PHYHIPL: variants seen among roughly 807,000 people sequenced by gnomAD.
The protein encoded by PHYHIPL is phytanoyl-CoA hydroxylase-interacting protein-like.
Under a neutral mutation model 33.4 loss-of-function variants are expected in PHYHIPL, and 9 were observed. The ratio of observed to expected loss-of-function variants is 0.27; its 90% CI spans 0.16 to 0.47. The LOEUF (loss-of-function observed/expected upper bound fraction) is 0.47. Among genes scored for constraint, PHYHIPL ranks in the 20% least tolerant of loss-of-function variants. The probability of loss-of-function intolerance (pLI) is 0.99; values close to 1 mark genes in which losing one functional copy is unlikely to be tolerated. For missense variants in PHYHIPL, 365 were observed against 460.7 expected, an observed-to-expected ratio of 0.79 and a Z score of 1.90; for synonymous variants, 153 against 154.1, an observed-to-expected ratio of 0.99 and a Z score of 0.05.
At chr10:59,228,285 A>T (rs1839984315) in intron 1 of PHYHIPL, among the ~76,000 whole-genome samples, 1 of 152,144 alleles carries the variant, frequency 6.6e-6, no homozygotes, top group African/African-American at 2.4e-5. Flanking sequence ...ATTATTAAAT[A>T]AAAAATAGGT....
At chr10:59,229,082 AT>A (rs1402240194) in intron 1 of PHYHIPL, among the ~76,000 whole-genome samples, 1 of 152,152 alleles carries the variant, frequency 6.6e-6, no homozygotes, top group East Asian at 1.9e-4. Context: ...TTTAATTCTT[AT>A]TTCAGATAAA....
At position 59,217,948 on chromosome 10, in the gene PHYHIPL, C is replaced by G. The variant is rs764967681; in HGVS notation, c.107-16356C>G. 1.6e-3 allele frequency among the ~76,000 whole-genome samples: 240 copies of G among 152,112 alleles called. 1 individual carries two copies. Among genetic ancestry groups the G allele is most frequent in the Non-Finnish European group, 1.9e-3 (129 of 67,950 alleles). ...TGGACTAAGATCAGACTTTTATACT[C>G]TATTCATTCATTGCTACTTTCCAGT... On this transcript the variant is annotated intron_variant, in intron 1 of 4. Coordinates refer to ENST00000373880, the MANE Select transcript of PHYHIPL (RefSeq NM_032439.4).
chr10:59,228,470 T>G (rs1839990420), intron 1 of PHYHIPL, among the ~76,000 whole-genome samples: 1 of 152,156 alleles, frequency 6.6e-6, no homozygotes, highest in African/African-American at 2.4e-5. Flanking sequence ...ACTATCTTAA[T>G]TAGTTTTCCT....
intron 1 of PHYHIPL, among the ~76,000 whole-genome samples, chr10:59,215,873 A>T (rs899290529): frequency 1.3e-5 from 2 of 151,956 alleles, no homozygotes; most frequent in African/African-American, 4.8e-5. Context: ...TTTTTAAAAG[A>T]TCAGTTAATC....
chr10:59,225,981 A>G (rs1191147612), intron 1 of PHYHIPL, among the ~76,000 whole-genome samples: 4 of 152,162 alleles, frequency 2.6e-5, no homozygotes, highest in Admixed American at 6.5e-5. Context: ...AAATTTACCA[A>G]TAAGAGTCAG....
intron 1 of PHYHIPL, among the ~76,000 whole-genome samples, chr10:59,209,493 A>G (rs941130687): frequency 3.3e-5 from 5 of 152,188 alleles, no homozygotes; most frequent in Middle Eastern, 3.2e-3. Context: ...TGTAAAGACC[A>G]TCGATGCTAT....
chr10:59,179,246 G>A (rs7071102), intron 1 of PHYHIPL, among the ~76,000 whole-genome samples: 38,262 of 152,002 alleles, frequency 0.25, 6,966 homozygotes, highest in African/African-American at 0.51. Flanking sequence ...TGTATTGAGA[G>A]ATTTTCAGCT....
intron 4 of PHYHIPL, 140 bp from the exon 5 acceptor site, chr10:59,244,917 A>C (rs184803965): frequency 2.4e-6 from 2 of 819,966 alleles, no homozygotes; most frequent in Admixed American, 6.3e-5. Flanking sequence ...ATGTCAAAAG[A>C]TGTTGTCCCC....
intron 1 of PHYHIPL, among the ~76,000 whole-genome samples, chr10:59,230,995 G>C (rs1479197616): frequency 6.6e-6 from 1 of 152,064 alleles, no homozygotes; most frequent in African/African-American, 2.4e-5. Flanking sequence ...GATTATAAAT[G>C]TTTCTTATCA....
intron 1 of PHYHIPL, among the ~76,000 whole-genome samples, chr10:59,185,872 G>A (rs2133188612): frequency 6.6e-6 from 1 of 152,180 alleles, no homozygotes; most frequent in South Asian, 2.1e-4. Context: ...TTAGCCCTTT[G>A]TCAGATGAGT....
In PHYHIPL at chr10:59,239,200, A is replaced by T. The variant is rs76073759; in HGVS notation, c.596+495A>T. ...TCAGGCTGCTGATAAAATGTACCCGAGATTGGGCAATTTAAAAAAGAAAGA... is the reference window on the plus strand; with the variant it reads ...TCAGGCTGCTGATAAAATGTACCCGTGATTGGGCAATTTAAAAAAGAAAGA... On this transcript the variant is annotated intron_variant, in intron 4 of 4. Coordinates refer to ENST00000373880, the MANE Select transcript of PHYHIPL (RefSeq NM_032439.4). Among the ~76,000 whole-genome samples the T allele has an allele frequency of 9.1e-3, 1,387 of 152,154 alleles. 17 individuals are homozygous for T. The highest frequency in any genetic ancestry group is 0.037 in the Middle Eastern group (11 of 294).
chr10:59,231,382 T>C (rs928345033), intron 1 of PHYHIPL, among the ~76,000 whole-genome samples: 1 of 151,864 alleles, frequency 6.6e-6, no homozygotes, highest in Admixed American at 6.6e-5. Flanking sequence ...TTCAGAAGGC[T>C]AAAAAAAGTC....
chr10:59,175,497 T>G (rs1486707894), upstream of PHYHIPL, among the ~76,000 whole-genome samples: 3 of 152,198 alleles, frequency 2.0e-5, no homozygotes, highest in Non-Finnish European at 4.4e-5. Flanking sequence ...GGAAAATCAA[T>G]AAAAGGGAAC....
At chr10:59,212,635 A>G (rs1227434830) in intron 1 of PHYHIPL, among the ~76,000 whole-genome samples, 2 of 152,162 alleles carry the variant, frequency 1.3e-5, no homozygotes, top group Non-Finnish European at 1.5e-5. Context: ...ATCCTCTTCA[A>G]CCACTCAGCA....
At chr10:59,189,569 T>A (rs1838722929) in intron 1 of PHYHIPL, among the ~76,000 whole-genome samples, 1 of 151,938 alleles carries the variant, frequency 6.6e-6, no homozygotes, top group Non-Finnish European at 1.5e-5. Flanking sequence ...TTTACATGCA[T>A]TCCAACTTTA....
rs116504070 is a variant in PHYHIPL, at chr10:59,227,149, A to G, written c.107-7155A>G. 6.2e-3 allele frequency among the ~76,000 whole-genome samples: 951 copies of G among 152,330 alleles called. 9 individuals are homozygous for G. Among genetic ancestry groups the G allele is most frequent in the African/African-American group, 0.02 (850 of 41,564 alleles). ...AGGTCTCAGTCTATTTTCTGTTGGTATAACTGAATACCCAAGACTGGGTAA... is the reference window on the plus strand; with the variant it reads ...AGGTCTCAGTCTATTTTCTGTTGGTGTAACTGAATACCCAAGACTGGGTAA... On this transcript the variant is annotated intron_variant, in intron 1 of 4. Transcript: ENST00000373880.
chr10:59,233,883 C>T (rs58021877), intron 1 of PHYHIPL, among the ~76,000 whole-genome samples: 32,633 of 151,472 alleles, frequency 0.22, 4,767 homozygotes, highest in African/African-American at 0.41. Context: ...ATAATGCTTC[C>T]AAAATGAAAG....
intron 1 of PHYHIPL, among the ~76,000 whole-genome samples, chr10:59,200,691 C>G (rs1839075508): frequency 6.6e-6 from 1 of 151,994 alleles, no homozygotes; most frequent in Non-Finnish European, 1.5e-5. Flanking sequence ...TGGTCCTGGA[C>G]TTTTTTTGGT....
rs779758239 is a variant in PHYHIPL, at chr10:59,229,950, G to A, written c.107-4354G>A. ...TATAGAATTATGGAGTCTTTCTCAG[G>A]CCATATTTAGTTTGCTTTAACAATA... On this transcript the variant is annotated intron_variant, in intron 1 of 4. Coordinates refer to ENST00000373880, the MANE Select transcript of PHYHIPL (RefSeq NM_032439.4). Among the ~76,000 whole-genome samples, 126 of 152,196 alleles carry A rather than the reference G, an allele frequency of 8.3e-4. 2 individuals carry two copies. The highest frequency in any genetic ancestry group is 1.3e-3 in the Non-Finnish European group (91 of 68,014).
Sources: allele counts gnomAD v4.1 joint callset (sites outside exome capture counted in the v4.1 genomes callset), GRCh38; gene constraint gnomAD v4.1.1; transcripts MANE v1.5; gene names NCBI Gene and HGNC (gene_info 2026-07-23, HGNC 2026-07-21).